The following PDE5A variants were observed in gnomAD, a reference collection of about 807,000 sequenced individuals.
PDE5A encodes the protein cGMP-specific 3',5'-cyclic phosphodiesterase.
In PDE5A, 67 loss-of-function variants were observed where a neutral mutation model predicts 110.2. The ratio of observed to expected loss-of-function variants is 0.61; its 90% CI spans 0.50 to 0.75. The LOEUF (loss-of-function observed/expected upper bound fraction) is 0.75, where lower values mean the gene tolerates loss of function less well. Among genes scored for constraint, PDE5A ranks in the 30% least tolerant of loss-of-function variants. PDE5A has a pLI of 0.00. For synonymous variants in PDE5A, 328 were observed against 351.2 expected (o/e 0.93, Z 0.74); for missense variants, 862 against 1,045.1 (o/e 0.82, Z 2.42).
At chr4:119,605,190 C>T (rs1729483967) in intron 2 of PDE5A, among the ~76,000 whole-genome samples, 1 of 152,160 alleles carries the variant, frequency 6.6e-6, no homozygotes, top group Admixed American at 6.6e-5. Context: ...GCTGTGCTCC[C>T]ACAGCTCCTT....
chr4:119,611,851 T>C (rs1578827443), intron 1 of PDE5A, among the ~76,000 whole-genome samples: 1 of 152,186 alleles, frequency 6.6e-6, no homozygotes, highest in East Asian at 1.9e-4. Flanking sequence ...AACATCAAAA[T>C]CACTGATGAA....
rs1177987104 is a variant in PDE5A at position 119,628,540 on chromosome 4, G to A, written c.132C>T (p.Tyr44=). 3.8e-6 allele frequency: 6 copies of A among 1,591,916 alleles called. No individual in the cohort carries two copies. The highest frequency in any genetic ancestry group is 5.1e-6 in the Non-Finnish European group (6 of 1,165,400). Residue 44 remains tyrosine, a synonymous_variant, in exon 1 of 21, where the codon TAC becomes TAT. Transcript: ENST00000354960. The part of the protein sequence containing the change: ...LDDHWDFTFS[Y]FVRKATREMV... The stretch of plus-strand genomic sequence containing the variant: ...CTTACCTGGTGGCTTTTCTAACAAA[G>A]TATGAGAAGGTAAAGTCCCAGTGAT...
chr4:119,573,038 T>C (rs1189557182), intron 3 of PDE5A, among the ~76,000 whole-genome samples: 1 of 152,218 alleles, frequency 6.6e-6, no homozygotes, highest in Non-Finnish European at 1.5e-5. Context: ...ATAGGAATCA[T>C]TTTGCAACTT....
At chr4:119,559,465 T>C (rs1727666172) in intron 7 of PDE5A, among the ~76,000 whole-genome samples, 1 of 152,194 alleles carries the variant, frequency 6.6e-6, no homozygotes, top group African/African-American at 2.4e-5. Flanking sequence ...TAAAGGTAAA[T>C]ATATAAACAG....
chr4:119,627,989 A>G lies in PDE5A; in HGVS notation c.152+531T>C. ...CTGGAAGGGGGGAAAAGGCAACCGCACTCACTTTGGCAAGGTTCCGTCATG... is the reference window on the plus strand; with the variant it reads ...CTGGAAGGGGGGAAAAGGCAACCGCGCTCACTTTGGCAAGGTTCCGTCATG... On this transcript the variant is annotated intron_variant, in intron 1 of 20. Transcript: ENST00000354960. The surrounding 1 kb of genome is among the most constrained non-coding windows in gnomAD (Gnocchi z 4.6). 3.1e-6 allele frequency: 3 copies of G among 968,514 alleles called. No individual in the cohort carries two copies. The African/African-American group carries it at 5.3e-5, about 17-fold the overall frequency. 60.0% of individuals were successfully genotyped at this position (968,514 alleles called of 1,614,324 possible). A position where few individuals can be genotyped will look rare whatever the true frequency, so the allele number is the denominator to read the frequency against.
chr4:119,503,515 A>G (rs1425487062), intron 18 of PDE5A, among the ~76,000 whole-genome samples: 2 of 152,172 alleles, frequency 1.3e-5, no homozygotes, highest in Admixed American at 6.6e-5. Context: ...GAGCTGAGGC[A>G]CAGCGTAGAA....
At chr4:119,549,237 C>T (rs1024615469) in intron 9 of PDE5A, 2 of 152,180 alleles carry the variant, frequency 1.3e-5, no homozygotes, top group Non-Finnish European at 2.9e-5. Context: ...GCAGGTCTCC[C>T]AAATTTTATT....
intron 3 of PDE5A, among the ~76,000 whole-genome samples, chr4:119,590,227 G>A (rs1345858738): frequency 2.6e-5 from 4 of 152,160 alleles, no homozygotes; most frequent in African/African-American, 7.2e-5. Context: ...AAGATTAAAT[G>A]AACTAATACT....
Position 119,558,990 on chromosome 4 carries a change from T to C in PDE5A, c.1199+1306A>G, listed in dbSNP as rs1366301275. 2.0e-5 allele frequency among the ~76,000 whole-genome samples: 3 copies of C among 152,098 alleles called. No homozygotes were observed. In the East Asian group the frequency reaches 5.8e-4, roughly 29 times the overall value. ...CTATTACTGTTGAAATGATTTTCAT[T>C]ATTGTAAAGTCAATTAATAAATCAG... On this transcript the variant is annotated intron_variant, in intron 7 of 20. Transcript: ENST00000354960.
chr4:119,524,315 T>G (rs941526245), intron 12 of PDE5A, among the ~76,000 whole-genome samples: 6 of 152,068 alleles, frequency 3.9e-5, no homozygotes, highest in African/African-American at 1.4e-4. Context: ...TGTCCCAATT[T>G]CTTCATTTGT....
At chr4:119,539,299 G>A (rs1726839958) in intron 10 of PDE5A, among the ~76,000 whole-genome samples, 1 of 151,004 alleles carries the variant, frequency 6.6e-6, no homozygotes, top group Non-Finnish European at 1.5e-5. Context: ...TTATAAGCCA[G>A]CCTAGAAATA....
intron 14 of PDE5A, among the ~76,000 whole-genome samples, chr4:119,516,500 G>C (rs1270239891): frequency 6.6e-6 from 1 of 152,128 alleles, no homozygotes; most frequent in East Asian, 1.9e-4. Flanking sequence ...CCTAATGCAG[G>C]TAATCTCTCT....
At position 119,553,008 on chromosome 4, in the gene PDE5A, C is replaced by T. The variant is rs72678520; in HGVS notation, c.1309-371G>A. On this transcript the variant is annotated intron_variant, in intron 8 of 20. Coordinates refer to ENST00000354960, the MANE Select transcript of PDE5A (RefSeq NM_001083.4). ...AATCTAAACGCCACCTAAAATGCAC[C>T]GTGTTACAAACCTGTCCTTTAATAA... Among the ~76,000 whole-genome samples the T allele has an allele frequency of 4.4e-3, 672 of 152,136 alleles. 5 individuals are homozygous for T. Among genetic ancestry groups the T allele is most frequent in the Non-Finnish European group, 6.3e-3 (429 of 67,934 alleles).
chr4:119,553,620 T>TTAA lies in PDE5A; in HGVS notation c.1308+17_1308+18insTTA. On this transcript the variant is annotated intron_variant, in intron 8 of 20. Coordinates refer to ENST00000354960, the MANE Select transcript of PDE5A (RefSeq NM_001083.4). ...GAAAACAGCCTTCTAGCTTCAAGTC[T>TTAA]AAAATTGGGTTACTTACTGTCCAGG... 8.0e-7 allele frequency: 1 copy of TTAA among 1,245,882 alleles called. No individual in the cohort carries two copies. 77.2% of individuals were successfully genotyped at this position (1,245,882 alleles called of 1,614,324 possible).
At chr4:119,506,009 G>T in intron 16 of PDE5A, 77 bp from the exon 17 acceptor site, 1 of 706,334 alleles carries the variant, frequency 1.4e-6, no homozygotes, top group Non-Finnish European at 2.3e-6. Flanking sequence ...AAGACTCATG[G>T]ACTAAATTTT....
intron 11 of PDE5A, among the ~76,000 whole-genome samples, chr4:119,534,467 T>G (rs1052075180): frequency 6.6e-6 from 1 of 152,080 alleles, no homozygotes; most frequent in Non-Finnish European, 1.5e-5. Flanking sequence ...AACAGTTTCA[T>G]CCCAAAACTA....
intron 1 of PDE5A, among the ~76,000 whole-genome samples, chr4:119,623,738 T>A (rs1385031389): frequency 6.6e-6 from 1 of 152,168 alleles, no homozygotes; most frequent in Non-Finnish European, 1.5e-5. Flanking sequence ...GTTGAGGACA[T>A]AAACGTGTGA....
chr4:119,626,391 T>A (rs1730346596), intron 1 of PDE5A, among the ~76,000 whole-genome samples: 1 of 152,158 alleles, frequency 6.6e-6, no homozygotes. Context: ...CAACAAGCCA[T>A]CCCTAGTTTA....
At chr4:119,620,806 G>C (rs764239064) in intron 1 of PDE5A, among the ~76,000 whole-genome samples, 3 of 152,162 alleles carry the variant, frequency 2.0e-5, no homozygotes, top group Non-Finnish European at 4.4e-5. Flanking sequence ...GAAAATAAAA[G>C]ACGTAAATTT....
Sources: allele counts gnomAD v4.1 joint callset (sites outside exome capture counted in the v4.1 genomes callset), GRCh38; gene constraint gnomAD v4.1.1; non-coding constraint Gnocchi (gnomAD v3.1); transcripts MANE v1.5; gene names NCBI Gene and HGNC (gene_info 2026-07-23, HGNC 2026-07-21).